The following SET variants were observed in gnomAD, a reference collection of about 807,000 sequenced individuals.
SET encodes the protein protein SET.
Under a neutral mutation model 39.0 loss-of-function variants are expected in SET, and 4 were observed. That is an observed-to-expected ratio of 0.10 (90% CI 0.05 to 0.23). SET has a LOEUF of 0.23. Among genes scored for constraint, SET ranks in the 10% least tolerant of loss-of-function variants. SET has a pLI of 1.00. For synonymous variants in SET, 114 were observed against 115.9 expected (o/e 0.98, Z 0.11); for missense variants, 137 against 329.7 (o/e 0.42, Z 4.53).
rs780176987 is a variant in SET, at chr9:128,689,558, C to T, written c.-25C>T. On this transcript the variant is annotated 5_prime_UTR_variant, in exon 1 of 8. Coordinates refer to ENST00000322030, the MANE Select transcript of SET (RefSeq NM_003011.4). ...CTTCCCTTCTCTCCCCCTCCCCGCT[C>T]CCCCCCCGACCGCGGAGCAGCACCA... 250 of 1,174,038 alleles carry T rather than the reference C, an allele frequency of 2.1e-4. No individual in the cohort carries two copies. Among genetic ancestry groups the T allele is most frequent in the Non-Finnish European group, 2.7e-4 (239 of 893,774 alleles). The allele number at this position is 1,174,038 out of a possible 1,614,324, so 72.7% of individuals were successfully genotyped here. A position where few individuals can be genotyped will look rare whatever the true frequency, so the allele number is the denominator to read the frequency against.
intron 1 of SET, among the ~76,000 whole-genome samples, chr9:128,684,195 G>A (rs758119383): frequency 5.3e-5 from 8 of 152,052 alleles, no homozygotes; most frequent in Non-Finnish European, 1.2e-4. Flanking sequence ...GGGAGTGCAC[G>A]GGAGCTCATC....
intron 1 of SET, chr9:128,690,437 G>A (rs1369417909): frequency 1.3e-5 from 2 of 152,346 alleles, no homozygotes; most frequent in African/African-American, 4.8e-5. Flanking sequence ...AGCTTTGTAG[G>A]GGGTTTGTAG....
At chr9:128,690,401 G>A (rs1039842206) in intron 1 of SET, 2 of 152,560 alleles carry the variant, frequency 1.3e-5, no homozygotes, top group Non-Finnish European at 2.9e-5. Flanking sequence ...AATGAACCGC[G>A]CGATCTGGCC....
At chr9:128,693,864 G>T in intron 6 of SET, 32 bp from the exon 7 acceptor site, 1 of 1,602,068 alleles carries the variant, frequency 6.2e-7, no homozygotes. Context: ...GTTTAAAAAT[G>T]AGTCCTTATA....
In SET at chr9:128,693,877, G is replaced by C. The variant is rs766762671; in HGVS notation, c.664-19G>C. 1 of 1,597,940 alleles carries C rather than the reference G, an allele frequency of 6.3e-7. No individual in the cohort carries two copies. Among genetic ancestry groups the C allele is most frequent in the Non-Finnish European group, 8.5e-7 (1 of 1,174,278 alleles). ...TTGTTTAAAAATGAGTCCTTATATT[G>C]TGCTTTTTTTTTTTTAAGGTTCCCG... On this transcript the variant is annotated intron_variant, in intron 6 of 7. Transcript: ENST00000322030.
chr9:128,688,750 G>A (rs561969122), upstream of SET, among the ~76,000 whole-genome samples: 2 of 152,306 alleles, frequency 1.3e-5, no homozygotes, highest in Admixed American at 6.5e-5. Context: ...AGTCCGATCG[G>A]CAGTTCCCCA....
At chr9:128,693,535 ATTTG>A (rs1193952980) in intron 5 of SET, 99 bp from the exon 6 acceptor site, 1 of 1,228,770 alleles carries the variant, frequency 8.1e-7, no homozygotes, top group African/African-American at 1.5e-5. Flanking sequence ...GTATACTGAT[ATTTG>A]TTTTGCTTAG....
chr9:128,691,766 C>T (rs1861544116), intron 2 of SET, 92 bp from the exon 3 acceptor site: 3 of 1,272,068 alleles, frequency 2.4e-6, no homozygotes, highest in Non-Finnish European at 3.2e-6. Context: ...TTGCATGACT[C>T]AAGCTAGTAA....
chr9:128,694,064 C>A lies in SET; in HGVS notation c.810+22C>A, dbSNP rs1384028694. On this transcript the variant is annotated intron_variant, in intron 7 of 7. Coordinates refer to ENST00000322030, the MANE Select transcript of SET (RefSeq NM_003011.4). ...AGAGGTAAAAGAAAATTTGGCTAAACCCACAAAGATAACTTTTAAAGAATT... is the reference window on the plus strand; with the variant it reads ...AGAGGTAAAAGAAAATTTGGCTAAAACCACAAAGATAACTTTTAAAGAATT... 2.0e-6 allele frequency: 3 copies of A among 1,488,076 alleles called. 1 individual carries two copies. The highest frequency in any genetic ancestry group is 2.7e-6 in the Non-Finnish European group (3 of 1,103,598). 92.2% of individuals were successfully genotyped at this position (1,488,076 alleles called of 1,614,324 possible). A position where few individuals can be genotyped will look rare whatever the true frequency, so the allele number is the denominator to read the frequency against.
intron 7 of SET, 87 bp downstream of exon 7, chr9:128,694,129 T>A (rs1198376599): frequency 1.7e-6 from 2 of 1,156,948 alleles, no homozygotes; most frequent in South Asian, 2.0e-5. Context: ...TATAGTGTGG[T>A]AGAACTGACC....
chr9:128,690,024 A>G (rs1341161604), intron 1 of SET: 2 of 1,026,446 alleles, frequency 1.9e-6, no homozygotes, highest in Non-Finnish European at 1.2e-6. Flanking sequence ...CCGCCGCCAC[A>G]TGGTGCGGCC....
At chr9:128,687,173 C>T (rs1861314421), upstream of SET, among the ~76,000 whole-genome samples, 2 of 151,962 alleles carry the variant, frequency 1.3e-5, no homozygotes, top group Non-Finnish European at 2.9e-5. Flanking sequence ...GCCTGGCCAA[C>T]ATGGTGAAAC....
chr9:128,691,137 CT>C (rs774466951), intron 1 of SET, 32 bp from the exon 2 acceptor site: 11 of 1,547,848 alleles, frequency 7.1e-6, no homozygotes, highest in Admixed American at 5.3e-5. Flanking sequence ...GTAAATTTAT[CT>C]TAGAATTAAG....
At chr9:128,691,030 A>G in intron 1 of SET, 140 bp from the exon 2 acceptor site, 1 of 749,344 alleles carries the variant, frequency 1.3e-6, no homozygotes, top group South Asian at 1.5e-5. Context: ...GTCAGCTACA[A>G]GCATGAACAT....
chr9:128,688,405 T>C (rs1048138641), upstream of SET, among the ~76,000 whole-genome samples: 1 of 152,190 alleles, frequency 6.6e-6, no homozygotes, highest in African/African-American at 2.4e-5. Context: ...TTCATCTCTA[T>C]GAACAGAACA....
In SET at chr9:128,694,055, T is replaced by C. The variant is rs1382679167; in HGVS notation, c.810+13T>C. 2.7e-6 allele frequency: 4 copies of C among 1,507,962 alleles called. No homozygotes were observed. Among genetic ancestry groups the C allele is most frequent in the Non-Finnish European group, 3.6e-6 (4 of 1,118,222 alleles). 93.4% of individuals were successfully genotyped at this position (1,507,962 alleles called of 1,614,324 possible). A position where few individuals can be genotyped will look rare whatever the true frequency, so the allele number is the denominator to read the frequency against. Reference sequence around the variant, plus strand: ...GGAGGAAGGAGAGGTAAAAGAAAATTTGGCTAAACCCACAAAGATAACTTT... The same window carrying C: ...GGAGGAAGGAGAGGTAAAAGAAAATCTGGCTAAACCCACAAAGATAACTTT... On this transcript the variant is annotated intron_variant, in intron 7 of 7. Coordinates refer to ENST00000322030, the MANE Select transcript of SET (RefSeq NM_003011.4).
At chr9:128,692,292 G>C (rs1010234863) in intron 3 of SET, 2 of 306,170 alleles carry the variant, frequency 6.5e-6, no homozygotes, top group Non-Finnish European at 1.2e-5. Context: ...CGCTACTTGG[G>C]AGGCTGAGGC....
chr9:128,689,753 C>CGGGGGGGCGCGGCGCG (rs1564358599), intron 1 of SET, 98 bp downstream of exon 1: 1 of 165,632 alleles, frequency 6.0e-6, no homozygotes, highest in Non-Finnish European at 1.2e-5. Context: ...GCGCGGGGGG[C>CGGGGGGGCGCGGCGCG]GCCGGGCGGG....
intron 3 of SET, chr9:128,692,259 G>A (rs1490421306): frequency 2.5e-5 from 9 of 365,570 alleles, no homozygotes; most frequent in Non-Finnish European, 3.0e-5. Context: ...GCGTGGTGGC[G>A]CGCGCTTGTA....
Sources: allele counts gnomAD v4.1 joint callset (sites outside exome capture counted in the v4.1 genomes callset), GRCh38; gene constraint gnomAD v4.1.1; transcripts MANE v1.5; gene names NCBI Gene and HGNC (gene_info 2026-07-23, HGNC 2026-07-21).